Variants in HHAT observed in about 807,000 individuals in gnomAD.
The protein encoded by HHAT is hedgehog acyltransferase, also known as protein-cysteine N-palmitoyltransferase HHAT.
Under a neutral mutation model 70.8 loss-of-function variants are expected in HHAT, and 47 were observed. The observed-to-expected ratio is 0.66, with a 90% CI of 0.53 to 0.85. The LOEUF (loss-of-function observed/expected upper bound fraction) is 0.85, where lower values mean the gene tolerates loss of function less well. Ranked by LOEUF, HHAT falls within the 40% of genes least tolerant of loss-of-function variation. The pLI, the probability that HHAT is intolerant of heterozygous loss-of-function variation, is 0.00. For synonymous variants in HHAT, 228 were observed against 247.6 expected (o/e 0.92, Z 0.74); for missense variants, 609 against 604.8 (o/e 1.01, Z -0.07).
chr1:210,571,159 C>G (rs978316268), intron 9 of HHAT, among the ~76,000 whole-genome samples: 9 of 152,208 alleles, frequency 5.9e-5, no homozygotes, highest in African/African-American at 2.2e-4. Flanking sequence ...CTGCCCTTCA[C>G]CTTGTCTTTG....
intron 9 of HHAT, among the ~76,000 whole-genome samples, chr1:210,532,035 A>G (rs968838143): frequency 1.3e-5 from 2 of 152,240 alleles, no homozygotes; most frequent in Admixed American, 1.3e-4. Context: ...TTCAGCTGTG[A>G]AAAGGCCATT....
intron 2 of HHAT, among the ~76,000 whole-genome samples, chr1:210,352,535 G>A (rs2087134319): frequency 6.6e-6 from 1 of 152,114 alleles, no homozygotes; most frequent in Admixed American, 6.6e-5. Context: ...ATAGACTAGA[G>A]GCTCCAAGTG....
At chr1:210,521,239 G>A (rs1035840222) in intron 9 of HHAT, among the ~76,000 whole-genome samples, 5 of 152,220 alleles carry the variant, frequency 3.3e-5, no homozygotes, top group African/African-American at 1.2e-4. Context: ...GAACATGACA[G>A]CTGTTCACTG....
At chr1:210,368,051 AG>A (rs1458558239) in intron 3 of HHAT, among the ~76,000 whole-genome samples, 2 of 151,898 alleles carry the variant, frequency 1.3e-5, no homozygotes, top group Non-Finnish European at 2.9e-5. Flanking sequence ...TAGTGATGCC[AG>A]GGAGATAGGG....
rs550167134 is a variant in HHAT, at chr1:210,460,019, G to C, written c.857-4486G>C. Among the ~76,000 whole-genome samples, 5 of 152,352 alleles carry C rather than the reference G, an allele frequency of 3.3e-5. No homozygotes were observed. In the South Asian group the frequency reaches 8.3e-4, roughly 25 times the overall value. ...GCTGCTGTCAGCTGGGAGCTCAGCT[G>C]ATGCTGTTCACCAGAACATCTTCAT... is the stretch of plus-strand genomic sequence containing the variant. On this transcript the variant is annotated intron_variant, in intron 7 of 11. Transcript: ENST00000261458.
intron 11 of HHAT, among the ~76,000 whole-genome samples, chr1:210,670,260 C>A (rs539995718): frequency 3.3e-5 from 5 of 152,324 alleles, no homozygotes; most frequent in African/African-American, 1.2e-4. Context: ...CACATCAGTG[C>A]TTGCTTAGCA....
intron 8 of HHAT, among the ~76,000 whole-genome samples, chr1:210,473,138 G>C (rs1276167412): frequency 6.6e-6 from 1 of 152,096 alleles, no homozygotes; most frequent in Admixed American, 6.5e-5. Flanking sequence ...AGCTTTGCAG[G>C]GTCATTTCAA....
At chr1:210,333,893 G>C (rs2085226418) in intron 1 of HHAT, among the ~76,000 whole-genome samples, 3 of 152,274 alleles carry the variant, frequency 2.0e-5, no homozygotes, top group South Asian at 4.1e-4. Flanking sequence ...CTGGCTTGAA[G>C]TGATCTGCCC....
intron 9 of HHAT, among the ~76,000 whole-genome samples, chr1:210,540,941 A>G (rs2095424393): frequency 6.6e-6 from 1 of 152,084 alleles, no homozygotes; most frequent in Admixed American, 6.5e-5. Flanking sequence ...CCTGGGTCCA[A>G]GAAATTATCC....
chr1:210,416,271 C>G (rs2092718738), intron 6 of HHAT, among the ~76,000 whole-genome samples: 1 of 152,210 alleles, frequency 6.6e-6, no homozygotes. Context: ...AAGGAGGTAC[C>G]TCACGGAATG....
At position 210,404,675 on chromosome 1, in the gene HHAT, A is replaced by G. The variant is rs1328074882; in HGVS notation, c.680A>G (p.Lys227Arg). The G allele has an allele frequency of 6.2e-7, 1 of 1,612,386 alleles. No individual in the cohort carries two copies. Among genetic ancestry groups the G allele is most frequent in the East Asian group, 2.2e-5 (1 of 44,884 alleles). Residue 227 changes from lysine to arginine, a missense_variant, in exon 6 of 12, where the codon AAA (lysine) becomes AGA (arginine). Coordinates refer to ENST00000261458, the MANE Select transcript of HHAT (RefSeq NM_018194.6). ...ATCCTCAGCTTCTCGGAGTTCATCA[A>G]ACAGGTAGAGCCCGCTGGGGATGGG... ...GPILSFSEFI[K>R]QMQQQEHDSL...
At chr1:210,404,136 C>G (rs898497585) in intron 5 of HHAT, among the ~76,000 whole-genome samples, 3 of 152,128 alleles carry the variant, frequency 2.0e-5, no homozygotes, top group Non-Finnish European at 2.9e-5. Context: ...CTAATCTGCA[C>G]CTTATGCCCT....
chr1:210,463,201 A>G (rs927364984), intron 7 of HHAT, among the ~76,000 whole-genome samples: 3 of 150,232 alleles, frequency 2.0e-5, no homozygotes, highest in South Asian at 2.1e-4. Flanking sequence ...AAATCCACCC[A>G]TTTAAAGTGT....
At chr1:210,327,826 T>TC (rs2084683575), upstream of HHAT, among the ~76,000 whole-genome samples, 1 of 152,066 alleles carries the variant, frequency 6.6e-6, no homozygotes, top group Non-Finnish European at 1.5e-5. Flanking sequence ...TTTAATTGAG[T>TC]ATGCTGTATT....
At chr1:210,519,231 T>G (rs1334539786) in intron 9 of HHAT, among the ~76,000 whole-genome samples, 1 of 152,202 alleles carries the variant, frequency 6.6e-6, no homozygotes, top group African/African-American at 2.4e-5. Context: ...ATATGCCACA[T>G]TTTCTCTATC....
chr1:210,349,056 A>T lies in HHAT; in HGVS notation c.81A>T (p.Lys27Asn). 6.2e-7 allele frequency: 1 copy of T among 1,614,030 alleles called. No homozygotes were observed. Among genetic ancestry groups the T allele is most frequent in the African/African-American group, 1.3e-5 (1 of 75,020 alleles). ...FHFYSFYEVY[K>N]VSREHEEELD... ...TCTATTCCTTCTATGAAGTTTACAAAGTCTCCAGAGGTAAGGCCCCAAGCT... is the reference window on the plus strand; with the variant it reads ...TCTATTCCTTCTATGAAGTTTACAATGTCTCCAGAGGTAAGGCCCCAAGCT... Residue 27 changes from lysine (K) to asparagine (N), a missense_variant, in exon 2 of 12, where the codon AAA becomes AAT. Coordinates refer to ENST00000261458, the MANE Select transcript of HHAT (RefSeq NM_018194.6).
At chr1:210,548,302 CT>C (rs1397754651) in intron 9 of HHAT, among the ~76,000 whole-genome samples, 2 of 152,178 alleles carry the variant, frequency 1.3e-5, no homozygotes, top group Non-Finnish European at 2.9e-5. Flanking sequence ...AGGCCCAGTG[CT>C]TTAAGGGTGC....
intron 3 of HHAT, among the ~76,000 whole-genome samples, chr1:210,368,462 T>C (rs1247396895): frequency 6.6e-6 from 1 of 152,118 alleles, no homozygotes; most frequent in East Asian, 1.9e-4. Context: ...CAGCTAGATT[T>C]TGTATTTTTA....
chr1:210,348,013 G>C (rs1353348467), intron 1 of HHAT, among the ~76,000 whole-genome samples: 1 of 152,200 alleles, frequency 6.6e-6, no homozygotes, highest in Non-Finnish European at 1.5e-5. Flanking sequence ...AAAAGGGGTA[G>C]TGAGGGGCGG....
Sources: allele counts gnomAD v4.1 joint callset (sites outside exome capture counted in the v4.1 genomes callset), GRCh38; gene constraint gnomAD v4.1.1; transcripts MANE v1.5; gene names NCBI Gene and HGNC (gene_info 2026-07-23, HGNC 2026-07-21).